Variants in TSNARE1 observed in about 807,000 individuals in gnomAD.
The protein encoded by TSNARE1 is t-SNARE domain containing 1.
Under a neutral mutation model 62.0 loss-of-function variants are expected in TSNARE1, and 49 were observed. The ratio of observed to expected loss-of-function variants is 0.79; its 90% CI spans 0.63 to 1.00. TSNARE1 has a LOEUF of 1.00. TSNARE1 is among the 50% of genes least tolerant of loss of function. The pLI is 0.00. For synonymous variants in TSNARE1, 328 were observed against 294.4 expected, an observed-to-expected ratio of 1.11 and a Z score of -1.17; for missense variants, 755 against 700.1, an observed-to-expected ratio of 1.08 and a Z score of -0.88.
chr8:142,238,755 C>CCTCCCCTG (rs1563769448), intron 12 of TSNARE1, among the ~76,000 whole-genome samples: 1 of 148,792 alleles, frequency 6.7e-6, no homozygotes, highest in Non-Finnish European at 1.5e-5. Flanking sequence ...CCCTGCACGC[C>CCTCCCCTG]CACCCCTGCA....
chr8:142,379,971 A>C (rs1445433292), intron 1 of TSNARE1, among the ~76,000 whole-genome samples: 1 of 152,198 alleles, frequency 6.6e-6, no homozygotes, highest in African/African-American at 2.4e-5. Context: ...CGCTGCCCCC[A>C]GCAGAGGAGA....
chr8:142,236,859 G>A (rs980247830), intron 12 of TSNARE1, among the ~76,000 whole-genome samples: 2 of 152,170 alleles, frequency 1.3e-5, no homozygotes, highest in Non-Finnish European at 2.9e-5. Flanking sequence ...CAAAGACCCC[G>A]CCCTGGCGCA....
intron 12 of TSNARE1, chr8:142,272,983 C>A: frequency 1.0e-6 from 1 of 985,466 alleles, no homozygotes; most frequent in Non-Finnish European, 1.2e-6. Context: ...TGGTGGACCC[C>A]CTCGGGAACA....
At chr8:142,346,498 A>T (rs996871175) in intron 2 of TSNARE1, among the ~76,000 whole-genome samples, 1 of 152,274 alleles carries the variant, frequency 6.6e-6, no homozygotes, top group African/African-American at 2.4e-5. Context: ...ATTGAAATTC[A>T]TTGATCCTCA....
At position 142,251,530 on chromosome 8, in the gene TSNARE1, C is replaced by T. The variant is rs534943698; in HGVS notation, c.1447-21951G>A. The stretch of plus-strand genomic sequence containing the variant: ...AGTTAGGGTGCGGCAGGCTCCTGTC[C>T]GTCCGAGCAGCACTGCTCTGGCACC... On this transcript the variant is annotated intron_variant, in intron 12 of 13. Transcript: ENST00000524325. Among the ~76,000 whole-genome samples, 6 of 152,252 alleles carry T rather than the reference C, an allele frequency of 3.9e-5. No homozygotes were observed. The South Asian group carries it at 1.0e-3, about 26-fold the overall frequency.
rs549185545 is a variant in TSNARE1, at chr8:142,308,291, G to A, written c.1131+6093C>T. 2.2e-4 allele frequency among the ~76,000 whole-genome samples: 33 copies of A among 152,290 alleles called. No homozygotes were observed. The South Asian group carries it at 5.6e-3, about 26-fold the overall frequency. On this transcript the variant is annotated intron_variant, in intron 9 of 13. Coordinates refer to ENST00000524325, the MANE Select transcript of TSNARE1 (RefSeq NM_145003.5). ...AGAAATACTTGTCCACCGTGAAGGC[G>A]TCGGGGAGCCTCCCATGGTGCCTTC...
rs56823056 is a variant in TSNARE1, at chr8:142,365,633, CAGAGAG to C, written c.-39-10876_-39-10871del. Among the ~76,000 whole-genome samples, 298 of 138,646 alleles carry C rather than the reference CAGAGAG, an allele frequency of 2.1e-3. 2 individuals are homozygous for C. The highest frequency in any genetic ancestry group is 7.4e-3 in the African/African-American group (265 of 35,894). 91.0% of individuals were successfully genotyped at this position (138,646 alleles called of 152,430 possible). A position where few individuals can be genotyped will look rare whatever the true frequency, so the allele number is the denominator to read the frequency against. On this transcript the variant is annotated intron_variant, in intron 1 of 13. Transcript: ENST00000524325. ...ACACACACACACACACACACACACA[CAGAGAG>C]AGAGAGGGGAACAAAGAATAAACCA...
intron 1 of TSNARE1, among the ~76,000 whole-genome samples, chr8:142,391,873 T>A (rs1297670517): frequency 6.6e-6 from 1 of 152,220 alleles, no homozygotes; most frequent in Non-Finnish European, 1.5e-5. Flanking sequence ...CACAGCCTAC[T>A]GGGCTGAGTG....
intron 12 of TSNARE1, among the ~76,000 whole-genome samples, chr8:142,232,388 G>A (rs538878970): frequency 3.9e-5 from 6 of 152,318 alleles, no homozygotes; most frequent in African/African-American, 9.6e-5. Context: ...TTGGCCAACC[G>A]AGGGCCTCCT....
chr8:142,310,588 T>C (rs1429141727), intron 9 of TSNARE1, among the ~76,000 whole-genome samples: 2 of 151,494 alleles, frequency 1.3e-5, no homozygotes, highest in African/African-American at 2.5e-5. Context: ...TTCTGAAGCA[T>C]GTCTTCCCCA....
chr8:142,238,766 C>T (rs373250695), intron 12 of TSNARE1, among the ~76,000 whole-genome samples: 5 of 149,282 alleles, frequency 3.3e-5, no homozygotes, highest in Non-Finnish European at 7.5e-5. Flanking sequence ...CACCCCTGCA[C>T]GCCCGCCCCT....
chr8:142,221,964 T>C (rs13279346), intron 13 of TSNARE1, among the ~76,000 whole-genome samples: 14 of 77,100 alleles, frequency 1.8e-4, no homozygotes, highest in Admixed American at 2.4e-4. Flanking sequence ...CACTCACTCA[T>C]CCACTCATCC....
At position 142,396,350 on chromosome 8, in the gene TSNARE1, G is replaced by A. The variant is rs144083945; in HGVS notation, c.-40+6754C>T. ...AGCCTCTGGGGGCTCACACCACCCC[G>A]ACCTCCTAGCCTCAAGCCTTATGGG... On this transcript the variant is annotated intron_variant, in intron 1 of 13. Transcript: ENST00000524325. Among the ~76,000 whole-genome samples the A allele has an allele frequency of 5.3e-3, 803 of 152,028 alleles. 3 individuals carry two copies. Among genetic ancestry groups the A allele is most frequent in the East Asian group, 0.016 (81 of 5,164 alleles).
At chr8:142,292,320 G>A (rs1304394194) in intron 10 of TSNARE1, among the ~76,000 whole-genome samples, 1 of 152,230 alleles carries the variant, frequency 6.6e-6, no homozygotes, top group African/African-American at 2.4e-5. Context: ...GAAGCGAGGC[G>A]AGGGCCGGAG....
chr8:142,281,670 T>C (rs1821491508), intron 11 of TSNARE1, among the ~76,000 whole-genome samples: 1 of 151,894 alleles, frequency 6.6e-6, no homozygotes, highest in African/African-American at 2.4e-5. Flanking sequence ...AGGACCTCTC[T>C]AGGGAAGCCA....
intron 1 of TSNARE1, among the ~76,000 whole-genome samples, chr8:142,380,239 G>A (rs746537816): frequency 3.9e-5 from 6 of 152,212 alleles, no homozygotes; most frequent in East Asian, 3.9e-4. Flanking sequence ...CCTGCAGCAC[G>A]TCCATGGGGA....
chr8:142,221,744 C>A, intron 13 of TSNARE1, among the ~76,000 whole-genome samples: 1 of 123,068 alleles, frequency 8.1e-6, no homozygotes, highest in South Asian at 2.8e-4. Flanking sequence ...CATTCACTCA[C>A]TCACTCACTC....
At chr8:142,314,350 C>A in intron 9 of TSNARE1, 34 bp downstream of exon 9, 2 of 1,602,558 alleles carry the variant, frequency 1.2e-6, no homozygotes, top group East Asian at 2.2e-5. Flanking sequence ...TGTCCCCTAA[C>A]AGCCACTGAC....
upstream of TSNARE1, chr8:142,404,652 G>A (rs1445641802): frequency 6.6e-6 from 1 of 152,308 alleles, no homozygotes; most frequent in Non-Finnish European, 1.5e-5. Context: ...TCTTCGGCTA[G>A]GACAGCTAGA....
Sources: gnomAD v4.1 joint callset for allele counts (sites outside exome capture counted in the v4.1 genomes callset) on GRCh38, gnomAD v4.1.1 for gene constraint, MANE v1.5 for transcripts, NCBI Gene and HGNC (gene_info 2026-07-23, HGNC 2026-07-21) for gene names.